Variants in DSN1 observed in about 807,000 individuals in gnomAD.
DSN1 encodes kinetochore-associated protein DSN1 homolog.
A neutral mutation model predicts 45.7 loss-of-function variants in DSN1; 31 were observed. The ratio of observed to expected loss-of-function variants is 0.68; its 90% CI spans 0.51 to 0.92. The LOEUF is 0.92. Among genes scored for constraint, DSN1 ranks in the 40% least tolerant of loss-of-function variants. DSN1 has a pLI of 0.00. For missense variants in DSN1, 394 were observed against 414.2 expected (o/e 0.95, Z 0.42); for synonymous variants, 134 against 142.3 (o/e 0.94, Z 0.41).
In DSN1 at chr20:36,754,779, C is replaced by A. The variant is rs140941590; in HGVS notation, c.945G>T (p.Lys315Asn). Reference sequence around the variant, plus strand: ...CAAGCTTACCGAGCTGTACTGACACCTTCTGGAAGCACTGGGTACTTTCAT... The same window carrying A: ...CAAGCTTACCGAGCTGTACTGACACATTCTGGAAGCACTGGGTACTTTCAT... ...FMDESTQCFQ[K>N]VSVQLGKRSM... is the part of the protein sequence containing the mutation. Residue 315 changes from lysine (K) to asparagine (N), a missense_variant, in exon 10 of 11, where the codon AAG (lysine) becomes AAT (asparagine). By Grantham distance (94) the Lys-to-Asn change is moderately conservative. Transcript: ENST00000373750. 7.5e-4 allele frequency: 1,210 copies of A among 1,613,894 alleles called. No individual in the cohort carries two copies. Among genetic ancestry groups the A allele is most frequent in the Non-Finnish European group, 9.8e-4 (1,155 of 1,179,846 alleles).
intron 8 of DSN1, among the ~76,000 whole-genome samples, chr20:36,756,257 G>A (rs1469240442): frequency 2.0e-5 from 3 of 152,178 alleles, no homozygotes; most frequent in Non-Finnish European, 4.4e-5. Flanking sequence ...TGGAATTACA[G>A]GCGTGAGCCA....
intron 3 of DSN1, among the ~76,000 whole-genome samples, chr20:36,769,759 G>T (rs545561426): frequency 1.0e-3 from 152 of 152,174 alleles, no homozygotes; most frequent in Admixed American, 3.7e-3. Flanking sequence ...CACAGAGCTA[G>T]TATAGTCTTC....
chr20:36,770,755 T>C (rs1007712851), intron 3 of DSN1, 118 bp downstream of exon 3: 2 of 1,131,692 alleles, frequency 1.8e-6, no homozygotes, highest in Non-Finnish European at 2.5e-6. Context: ...ACTTATAAAG[T>C]AGCAAGTCAT....
chr20:36,752,008 T>C lies in DSN1; in HGVS notation c.*780A>G, dbSNP rs572475582. 1.1e-4 allele frequency: 16 copies of C among 152,224 alleles called. No individual in the cohort carries two copies. Among genetic ancestry groups the C allele is most frequent in the Admixed American group, 1.0e-3 (16 of 15,266 alleles). 9.4% of individuals were successfully genotyped at this position (152,224 alleles called of 1,614,324 possible). On this transcript the variant is annotated 3_prime_UTR_variant, in exon 11 of 11. Coordinates refer to ENST00000373750, the MANE Select transcript of DSN1 (RefSeq NM_001145315.2). ...AACATCTTGTGAAGTGACATATGTA[T>C]CCCAATGATGCAAATAATGCTCAAA...
chr20:36,754,566 G>C (rs1986567748), intron 10 of DSN1, among the ~76,000 whole-genome samples, 197 bp downstream of exon 10: 3 of 152,128 alleles, frequency 2.0e-5, no homozygotes, highest in Admixed American at 2.0e-4. Context: ...AGTCTACTGT[G>C]CTTCTGTAGA....
intron 1 of DSN1, among the ~76,000 whole-genome samples, chr20:36,772,652 T>C (rs1432624207): frequency 2.6e-5 from 4 of 152,256 alleles, no homozygotes; most frequent in Non-Finnish European, 5.9e-5. Context: ...TCAGGTAAAC[T>C]AGTCCCAATT....
chr20:36,773,280 T>G, intron 1 of DSN1: 1 of 710,654 alleles, frequency 1.4e-6, no homozygotes, highest in Non-Finnish European at 1.7e-6. Context: ...AACTCCACTT[T>G]GCAGACAGGG....
chr20:36,752,846 T>G lies in DSN1; in HGVS notation c.1013A>C (p.Lys338Thr). The change falls in exon 11 of 11, where the codon AAG becomes ACG. Residue 338 changes from lysine to threonine, a missense_variant. By Grantham distance (78) the Lys-to-Thr change is moderately conservative (BLOSUM62 -1). Transcript: ENST00000373750. ...GGCAGGTGGGTTCTGTAGCTGAAGC[T>G]TCAACAGTTTTCGAGCTGGTGAGGG... ...LDPSPARKLL[K>T]LQLQNPPAIH... 6.2e-7 allele frequency: 1 copy of G among 1,614,222 alleles called. No homozygotes were observed. Among genetic ancestry groups the G allele is most frequent in the Non-Finnish European group, 8.5e-7 (1 of 1,180,046 alleles).
At chr20:36,757,519 C>A (rs1266760989) in intron 8 of DSN1, among the ~76,000 whole-genome samples, 1 of 152,142 alleles carries the variant, frequency 6.6e-6, no homozygotes, top group South Asian at 2.1e-4. Flanking sequence ...GCAGAGTGAG[C>A]TCAGATGGCG....
intron 6 of DSN1, among the ~76,000 whole-genome samples, chr20:36,762,252 G>A (rs375502674): frequency 9.9e-5 from 15 of 151,272 alleles, no homozygotes; most frequent in African/African-American, 3.1e-4. Context: ...GACTACAGGC[G>A]CCTGCCACCA....
chr20:36,763,457 G>C (rs1214356210), intron 5 of DSN1, among the ~76,000 whole-genome samples: 1 of 149,930 alleles, frequency 6.7e-6, no homozygotes, highest in African/African-American at 2.5e-5. Context: ...AGGCAAGAGG[G>C]TAATAAGAAA....
chr20:36,755,929 C>T (rs996735818), intron 8 of DSN1, 100 bp from the exon 9 acceptor site: 1 of 1,337,412 alleles, frequency 7.5e-7, no homozygotes, highest in Non-Finnish European at 1.0e-6. Context: ...TTCCTCCACT[C>T]TACGCTAGCT....
intron 1 of DSN1, among the ~76,000 whole-genome samples, chr20:36,771,775 T>C (rs1256842868): frequency 6.6e-6 from 1 of 152,246 alleles, no homozygotes; most frequent in Non-Finnish European, 1.5e-5. Flanking sequence ...TCTTCCAAAC[T>C]AGAAAAACCA....
chr20:36,771,288 C>T (rs1392285394), intron 2 of DSN1, 95 bp from the exon 3 acceptor site: 9 of 1,480,288 alleles, frequency 6.1e-6, no homozygotes, highest in African/African-American at 5.6e-5. Flanking sequence ...GCCCCTAGAT[C>T]GTGGAAACAT....
Position 36,771,483 on chromosome 20 carries a change from G to A in DSN1, c.-15-10C>T, listed in dbSNP as rs776662679. ...TCCTAGGTGGTAAACTCTGAAAATA[G>A]GAAAATGGAAGTGATCTGTTCTTCA... On this transcript the variant is annotated splice_polypyrimidine_tract_variant and intron_variant, in intron 1 of 10. Coordinates refer to ENST00000373750, the MANE Select transcript of DSN1 (RefSeq NM_001145315.2). 4 of 1,612,990 alleles carry A rather than the reference G, an allele frequency of 2.5e-6. 1 individual carries two copies. The South Asian group carries it at 3.3e-5, about 13-fold the overall frequency.
rs372636023 is a variant in DSN1 at position 36,758,516 on chromosome 20, A to C, written c.650+42T>G. On this transcript the variant is annotated intron_variant, in intron 7 of 10. Coordinates refer to ENST00000373750, the MANE Select transcript of DSN1 (RefSeq NM_001145315.2). ...TTTCCAAGTTAGTTAATTTCCCCAG[A>C]TGGGAGAACGAATTTAGATTTTCTA... The C allele has an allele frequency of 1.4e-4, 214 of 1,550,424 alleles. 2 individuals are homozygous for C. Among genetic ancestry groups the C allele is most frequent in the South Asian group, 9.4e-4 (81 of 86,020 alleles).
At position 36,752,961 on chromosome 20, in the gene DSN1, TA is replaced by T. The variant is rs1304622426; in HGVS notation, c.962-65del. 11 of 1,318,842 alleles carry T rather than the reference TA, an allele frequency of 8.3e-6. No homozygotes were observed. In the African/African-American group the frequency reaches 1.6e-4, roughly 19 times the overall value. 81.7% of individuals were successfully genotyped at this position (1,318,842 alleles called of 1,614,324 possible). Reference sequence around the variant, plus strand: ...AATAACGTAACATTTATTGAAAACTTAATGTAGGGACATTGTGACACACATG... The same window carrying T: ...AATAACGTAACATTTATTGAAAACTTATGTAGGGACATTGTGACACACATG... On this transcript the variant is annotated intron_variant, in intron 10 of 10. Transcript: ENST00000373750.
chr20:36,772,783 C>A (rs1987719734), intron 1 of DSN1, among the ~76,000 whole-genome samples: 1 of 152,246 alleles, frequency 6.6e-6, no homozygotes, highest in Admixed American at 6.5e-5. Context: ...AAATATGAAG[C>A]TTTCACATCA....
chr20:36,760,626 G>A (rs980788943), intron 6 of DSN1, among the ~76,000 whole-genome samples: 3 of 152,130 alleles, frequency 2.0e-5, no homozygotes, highest in Non-Finnish European at 2.9e-5. Context: ...GGTGGTTCAC[G>A]CCTCTAATCC....
Sources: allele counts gnomAD v4.1 joint callset (sites outside exome capture counted in the v4.1 genomes callset), GRCh38; gene constraint gnomAD v4.1.1; transcripts MANE v1.5; gene names NCBI Gene and HGNC (gene_info 2026-07-23, HGNC 2026-07-21).